GBF1: variants seen among roughly 807,000 people sequenced by gnomAD.
The protein encoded by GBF1 is Golgi-specific brefeldin A-resistance guanine nucleotide exchange factor 1.
A neutral mutation model predicts 210.5 loss-of-function variants in GBF1; 114 were observed. The ratio of observed to expected loss-of-function variants is 0.54; its 90% CI spans 0.47 to 0.63. The LOEUF (loss-of-function observed/expected upper bound fraction) is 0.63. GBF1 is among the 30% of genes least tolerant of loss of function. GBF1 has a pLI of 0.00. For missense variants in GBF1, 1,851 were observed against 2,357.7 expected (o/e 0.79, Z 4.45); for synonymous variants, 850 against 889.2 (o/e 0.96, Z 0.78).
intron 3 of GBF1, among the ~76,000 whole-genome samples, chr10:102,286,785 T>C (rs1172014624): frequency 6.6e-6 from 1 of 152,220 alleles, no homozygotes; most frequent in Non-Finnish European, 1.5e-5. Context: ...GAATCTCAGC[T>C]TTGTGCTAGA....
Position 102,363,837 on chromosome 10 carries a change from C to A in GBF1, c.2106+39C>A. On this transcript the variant is annotated intron_variant, in intron 17 of 39. Coordinates refer to ENST00000369983, the MANE Select transcript of GBF1 (RefSeq NM_001377137.1). This position sits in a 1 kb window ranked among gnomAD's most constrained non-coding sequence, Gnocchi z 4.2. ...TTCCCCAGCCTCTGTCCACCTCTGT[C>A]TGGGTGTCCAGTGTTGTAGGGTTTC... is the stretch of plus-strand genomic sequence containing the variant. 1.7e-6 allele frequency: 2 copies of A among 1,196,052 alleles called. No individual in the cohort carries two copies. Among genetic ancestry groups the A allele is most frequent in the Non-Finnish European group, 2.5e-6 (2 of 800,012 alleles). 74.1% of individuals were successfully genotyped at this position (1,196,052 alleles called of 1,614,324 possible). A position where few individuals can be genotyped will look rare whatever the true frequency, so the allele number is the denominator to read the frequency against.
chr10:102,233,883 C>T, the GBF1 span, among the ~76,000 whole-genome samples: 1 of 152,178 alleles, frequency 6.6e-6, no homozygotes, highest in Non-Finnish European at 1.5e-5. Context: ...CTCCAAGTTT[C>T]CCCCGCAGGG....
At chr10:102,288,712 C>T (rs553896231) in intron 3 of GBF1, among the ~76,000 whole-genome samples, 121 of 130,904 alleles carry the variant, frequency 9.2e-4, no homozygotes, top group Middle Eastern at 0.01. Flanking sequence ...AGCGAGACTC[C>T]GTCTCAAAGG....
intron 1 of GBF1, among the ~76,000 whole-genome samples, chr10:102,252,005 A>G (rs1289188706): frequency 6.6e-6 from 1 of 151,984 alleles, no homozygotes; most frequent in African/African-American, 2.4e-5. Context: ...CCTGGCCAAC[A>G]TGGTGAAACC....
At chr10:102,256,228 G>A (rs754509260) in intron 1 of GBF1, among the ~76,000 whole-genome samples, 1 of 152,080 alleles carries the variant, frequency 6.6e-6, no homozygotes, top group African/African-American at 2.4e-5. Context: ...TTACAGGTGT[G>A]AGCCACTGCG....
At chr10:102,246,106 C>G (rs1016122857) in intron 1 of GBF1, among the ~76,000 whole-genome samples, 4 of 152,208 alleles carry the variant, frequency 2.6e-5, no homozygotes, top group Non-Finnish European at 5.9e-5. Context: ...GCCCAGTACT[C>G]AAAAGCTGAA....
At chr10:102,285,268 T>C (rs998122730) in intron 3 of GBF1, among the ~76,000 whole-genome samples, 3 of 152,236 alleles carry the variant, frequency 2.0e-5, no homozygotes, top group Non-Finnish European at 2.9e-5. Context: ...ATCAGAATCC[T>C]GGACCAGGCA....
chr10:102,369,163 T>C, intron 23 of GBF1, 48 bp from the exon 24 acceptor site: 1 of 1,401,948 alleles, frequency 7.1e-7, no homozygotes, highest in South Asian at 1.2e-5. Flanking sequence ...AGATTTTCCT[T>C]TCCAGACATT....
At chr10:102,324,765 T>G (rs2056753349) in intron 3 of GBF1, among the ~76,000 whole-genome samples, 1 of 152,074 alleles carries the variant, frequency 6.6e-6, no homozygotes, top group South Asian at 2.1e-4. Flanking sequence ...TTTTGTATTT[T>G]TTAGTAAAGA....
At chr10:102,268,217 ATCTG>A (rs1277061412) in intron 3 of GBF1, among the ~76,000 whole-genome samples, 1 of 152,212 alleles carries the variant, frequency 6.6e-6, no homozygotes, top group Non-Finnish European at 1.5e-5. Flanking sequence ...GCTCTGCATA[ATCTG>A]TCCTCTCATG....
At chr10:102,233,887 C>T in the GBF1 span, among the ~76,000 whole-genome samples, 2 of 152,214 alleles carry the variant, frequency 1.3e-5, no homozygotes, top group South Asian at 2.1e-4. Flanking sequence ...AAGTTTCCCC[C>T]GCAGGGTCCC....
chr10:102,359,522 T>A, intron 11 of GBF1, 87 bp downstream of exon 11: 1 of 922,786 alleles, frequency 1.1e-6, no homozygotes, highest in South Asian at 1.4e-5. Flanking sequence ...AACCAAGATA[T>A]TGGACTACTG....
At chr10:102,322,045 A>T (rs2056452366) in intron 3 of GBF1, among the ~76,000 whole-genome samples, 2 of 152,162 alleles carry the variant, frequency 1.3e-5, no homozygotes, top group African/African-American at 4.8e-5. Context: ...TTTTTTGTAG[A>T]GACAGGGTTT....
At chr10:102,257,161 CCTTTT>C (rs1158120034) in intron 1 of GBF1, among the ~76,000 whole-genome samples, 2 of 152,124 alleles carry the variant, frequency 1.3e-5, no homozygotes, top group Non-Finnish European at 2.9e-5. Flanking sequence ...TTAGCACAGA[CCTTTT>C]ATTTTATATT....
chr10:102,314,546 T>C (rs1214978513), intron 3 of GBF1, among the ~76,000 whole-genome samples: 1 of 152,188 alleles, frequency 6.6e-6, no homozygotes, highest in East Asian at 1.9e-4. Flanking sequence ...TTAACTTCCT[T>C]AGCTTCCTTT....
intron 3 of GBF1, among the ~76,000 whole-genome samples, chr10:102,316,341 C>T (rs576731091): frequency 6.6e-6 from 1 of 152,168 alleles, no homozygotes; most frequent in Non-Finnish European, 1.5e-5. Flanking sequence ...CCCGCCTTAG[C>T]CTCCCAAAGC....
chr10:102,372,571 G>A (rs2060271632), intron 29 of GBF1, among the ~76,000 whole-genome samples: 1 of 152,194 alleles, frequency 6.6e-6, no homozygotes. Context: ...TGGAGGGACA[G>A]ACACGTAGAT....
At chr10:102,231,440 G>A in the GBF1 span, 4 of 634,836 alleles carry the variant, frequency 6.3e-6, no homozygotes. Context: ...TGGCGGGCAA[G>A]AGACCGCGTG....
At chr10:102,338,234 C>A (rs2057907400) in intron 3 of GBF1, among the ~76,000 whole-genome samples, 1 of 131,112 alleles carries the variant, frequency 7.6e-6, no homozygotes, top group Non-Finnish European at 1.6e-5. Flanking sequence ...CAACAACCTT[C>A]TTCTTTTTTT....
Sources: gnomAD v4.1 joint callset for allele counts (sites outside exome capture counted in the v4.1 genomes callset) on GRCh38, gnomAD v4.1.1 for gene constraint, Gnocchi (gnomAD v3.1) non-coding constraint, MANE v1.5 for transcripts, NCBI Gene and HGNC (gene_info 2026-07-23, HGNC 2026-07-21) for gene names.